Variants in ZNF831 observed in about 807,000 individuals in gnomAD.
ZNF831 encodes zinc finger protein 831, also known as chromosome 20 open reading frame 174.
A neutral mutation model predicts 95.8 loss-of-function variants in ZNF831; 59 were observed. That is an observed-to-expected ratio of 0.62 (90% CI 0.50 to 0.77). ZNF831 has a LOEUF of 0.77. Among genes scored for constraint, ZNF831 ranks in the 30% least tolerant of loss-of-function variants. The probability of loss-of-function intolerance (pLI) is 0.00; values close to 1 mark genes in which losing one functional copy is unlikely to be tolerated. For missense variants in ZNF831, 2,205 were observed against 2,164.0 expected, an observed-to-expected ratio of 1.02 and a Z score of -0.38; for synonymous variants, 961 against 925.5, an observed-to-expected ratio of 1.04 and a Z score of -0.70.
Position 59,258,069 on chromosome 20 carries a change from T to C in ZNF831, c.*3326T>C, listed in dbSNP as rs1192231198. The C allele has an allele frequency of 6.6e-6, 1 of 151,948 alleles. No individual in the cohort carries two copies. Among genetic ancestry groups the C allele is most frequent in the Non-Finnish European group, 1.5e-5 (1 of 68,030 alleles). 9.4% of individuals were successfully genotyped at this position (151,948 alleles called of 1,614,324 possible). ...GTAAAACACATTGAAAAACAGCTCA[T>C]CTCTCCTGTTAGGCTTAACCCTTGA... On this transcript the variant is annotated 3_prime_UTR_variant, in exon 6 of 6. Coordinates refer to ENST00000371030, the MANE Select transcript of ZNF831 (RefSeq NM_178457.3).
chr20:59,176,428 A>G (rs570121711), intron 1 of ZNF831, among the ~76,000 whole-genome samples: 34 of 152,314 alleles, frequency 2.2e-4, no homozygotes, highest in Middle Eastern at 3.4e-3. Context: ...ACAGAACTGT[A>G]CACTAAAGAG....
intron 4 of ZNF831, among the ~76,000 whole-genome samples, chr20:59,237,413 C>T (rs1051934093): frequency 6.6e-6 from 1 of 152,134 alleles, no homozygotes; most frequent in African/African-American, 2.4e-5. Context: ...GTGGCGCGAT[C>T]TCAGCTCACT....
rs191769771 is a variant in ZNF831 at position 59,240,419 on chromosome 20, T to A, written c.4028-12559T>A. Among the ~76,000 whole-genome samples the A allele has an allele frequency of 2.6e-5, 4 of 152,316 alleles. No homozygotes were observed. The East Asian group carries it at 5.8e-4, about 22-fold the overall frequency. On this transcript the variant is annotated intron_variant, in intron 4 of 5. Coordinates refer to ENST00000371030, the MANE Select transcript of ZNF831 (RefSeq NM_178457.3). The stretch of plus-strand genomic sequence containing the variant: ...CTTTTTCTACACCTCAAAAATGGAC[T>A]TTCTAGGCAGTTCTAATAATACATC...
At chr20:59,176,407 T>C (rs894505332) in intron 1 of ZNF831, among the ~76,000 whole-genome samples, 8 of 152,186 alleles carry the variant, frequency 5.3e-5, no homozygotes, top group African/African-American at 1.9e-4. Flanking sequence ...TGTATTTACT[T>C]GTCAAAATTC....
chr20:59,238,543 C>T (rs750128724), intron 4 of ZNF831, among the ~76,000 whole-genome samples: 2 of 152,156 alleles, frequency 1.3e-5, no homozygotes, highest in African/African-American at 2.4e-5. Flanking sequence ...CCTAGATTGT[C>T]CAACCTTGAC....
upstream of ZNF831, chr20:59,160,926 T>C (rs1335071712): frequency 2.6e-5 from 4 of 152,148 alleles, no homozygotes; most frequent in Non-Finnish European, 4.4e-5. Flanking sequence ...TTTGTTTGTT[T>C]CCTTCAGAAA....
intron 4 of ZNF831, among the ~76,000 whole-genome samples, chr20:59,225,405 T>C (rs916807280): frequency 3.3e-5 from 5 of 152,214 alleles, no homozygotes; most frequent in Admixed American, 2.0e-4. Context: ...TTGCTTCCAG[T>C]TTCACTACTC....
intron 4 of ZNF831, among the ~76,000 whole-genome samples, chr20:59,224,551 C>T (rs1416393029): frequency 2.0e-5 from 3 of 152,238 alleles, no homozygotes; most frequent in Admixed American, 2.0e-4. Context: ...TAGCTTCACT[C>T]CTTCAAGCAT....
chr20:59,176,180 C>T (rs1260768575), intron 1 of ZNF831, among the ~76,000 whole-genome samples: 1 of 152,206 alleles, frequency 6.6e-6, no homozygotes, highest in Non-Finnish European at 1.5e-5. Flanking sequence ...GCTTGGATGG[C>T]TCTCAAAGGT....
chr20:59,207,827 T>C (rs956623467), intron 4 of ZNF831, among the ~76,000 whole-genome samples: 1 of 152,238 alleles, frequency 6.6e-6, no homozygotes, highest in Non-Finnish European at 1.5e-5. Context: ...TGTGGTTCAT[T>C]GTTGTCTGTT....
intron 4 of ZNF831, among the ~76,000 whole-genome samples, chr20:59,231,900 T>C (rs888428721): frequency 6.6e-6 from 1 of 152,316 alleles, no homozygotes; most frequent in African/African-American, 2.4e-5. Flanking sequence ...TGAGCTACGG[T>C]AATAACAGAA....
chr20:59,200,423 T>C (rs2146620527), intron 3 of ZNF831, among the ~76,000 whole-genome samples: 1 of 152,328 alleles, frequency 6.6e-6, no homozygotes, highest in African/African-American at 2.4e-5. Flanking sequence ...AATCTGTCTT[T>C]AAAATTTTAC....
intron 4 of ZNF831, among the ~76,000 whole-genome samples, chr20:59,240,796 C>T (rs1009637696): frequency 1.3e-5 from 2 of 151,740 alleles, no homozygotes; most frequent in South Asian, 2.1e-4. Flanking sequence ...AGCGAGCCTC[C>T]GTCTCAAAAA....
upstream of ZNF831, chr20:59,159,682 G>A (rs896554610): frequency 6.6e-6 from 1 of 152,210 alleles, no homozygotes; most frequent in African/African-American, 2.4e-5. Flanking sequence ...TTCTGACAAT[G>A]GAGAGAGCAT....
chr20:59,236,687 G>A (rs1987019378), intron 4 of ZNF831, among the ~76,000 whole-genome samples: 1 of 151,226 alleles, frequency 6.6e-6, no homozygotes, highest in South Asian at 2.1e-4. Context: ...CACCATGCCT[G>A]GCTTAGGGCC....
upstream of ZNF831, among the ~76,000 whole-genome samples, chr20:59,162,635 C>T (rs186374470): frequency 5.0e-3 from 756 of 152,292 alleles, 2 homozygotes; most frequent in Middle Eastern, 0.017. Context: ...GTTCTCTATT[C>T]TGTTCCATTG....
At chr20:59,242,203 G>C (rs1027779931) in intron 4 of ZNF831, among the ~76,000 whole-genome samples, 4 of 152,150 alleles carry the variant, frequency 2.6e-5, no homozygotes, top group Non-Finnish European at 4.4e-5. Context: ...GGAGAGAAGG[G>C]GAGATCTTTC....
intron 5 of ZNF831, 114 bp downstream of exon 5, chr20:59,253,252 A>T: frequency 8.4e-7 from 1 of 1,192,034 alleles, no homozygotes; most frequent in Non-Finnish European, 1.2e-6. Flanking sequence ...CACCTTATGA[A>T]GATTCGTGGC....
At chr20:59,182,415 C>A (rs1443886625) in intron 1 of ZNF831, among the ~76,000 whole-genome samples, 3 of 152,152 alleles carry the variant, frequency 2.0e-5, no homozygotes, top group Non-Finnish European at 4.4e-5. Flanking sequence ...AAATGAAAAT[C>A]CTGAGGTTAG....
Sources: allele counts gnomAD v4.1 joint callset (sites outside exome capture counted in the v4.1 genomes callset), GRCh38; gene constraint gnomAD v4.1.1; transcripts MANE v1.5; gene names NCBI Gene and HGNC (gene_info 2026-07-23, HGNC 2026-07-21).